ASAP2: variants seen among roughly 807,000 people sequenced by gnomAD.
ASAP2 encodes the protein arf-GAP with SH3 domain, ANK repeat and PH domain-containing protein 2.
ASAP2 carries 45 observed loss-of-function variants against 131.4 expected under a neutral mutation model. The observed-to-expected ratio is 0.34, with a 90% confidence interval of 0.27 to 0.44. The LOEUF (loss-of-function observed/expected upper bound fraction) is 0.44. Among genes scored for constraint, ASAP2 ranks in the 20% least tolerant of loss-of-function variants. The pLI, the probability that ASAP2 is intolerant of heterozygous loss-of-function variation, is 1.00. For synonymous variants in ASAP2, 510 were observed against 503.0 expected (o/e 1.01, Z -0.19); for missense variants, 1,011 against 1,297.0 (o/e 0.78, Z 3.39).
chr2:9,317,869 A>T (rs990515215), intron 3 of ASAP2, among the ~76,000 whole-genome samples: 1 of 151,986 alleles, frequency 6.6e-6, no homozygotes, highest in Non-Finnish European at 1.5e-5. Flanking sequence ...GATCACTCAT[A>T]CCCACATTCA....
chr2:9,230,490 C>G (rs1304837293), intron 1 of ASAP2, among the ~76,000 whole-genome samples: 1 of 152,228 alleles, frequency 6.6e-6, no homozygotes, highest in African/African-American at 2.4e-5. Flanking sequence ...GACTGATTCC[C>G]CAGTGGTCAG....
intron 11 of ASAP2, among the ~76,000 whole-genome samples, chr2:9,348,892 C>T (rs1672151678): frequency 6.6e-6 from 1 of 152,076 alleles, no homozygotes; most frequent in Admixed American, 6.5e-5. Flanking sequence ...TCCAGGCAAG[C>T]AACCGCCTTC....
At chr2:9,327,447 C>T (rs548177646) in intron 6 of ASAP2, among the ~76,000 whole-genome samples, 1 of 152,266 alleles carries the variant, frequency 6.6e-6, no homozygotes, top group South Asian at 2.1e-4. Flanking sequence ...AGCTACAATA[C>T]GTTAGCAGTT....
In ASAP2 at chr2:9,206,974, G is replaced by A. The variant is rs1167201932; in HGVS notation, c.-131G>A. The stretch of plus-strand genomic sequence containing the variant: ...CAGGCCCCGCGCGGCTCCCGCGCCC[G>A]GCGCTCCCCTTTGTCCGCGGGCCGG... On this transcript the variant is annotated 5_prime_UTR_variant, in exon 1 of 28. Transcript: ENST00000281419. This position sits in a 1 kb window ranked among gnomAD's most constrained non-coding sequence, Gnocchi z 4.0. 1.1e-6 allele frequency: 1 copy of A among 908,786 alleles called. No individual in the cohort carries two copies. Among genetic ancestry groups the A allele is most frequent in the Non-Finnish European group, 1.3e-6 (1 of 759,136 alleles). The allele number at this position is 908,786 out of a possible 1,614,324, so 56.3% of individuals were successfully genotyped here. A position where few individuals can be genotyped will look rare whatever the true frequency, so the allele number is the denominator to read the frequency against.
At chr2:9,343,952 C>G (rs1385691935) in intron 9 of ASAP2, among the ~76,000 whole-genome samples, 1 of 152,208 alleles carries the variant, frequency 6.6e-6, no homozygotes, top group African/African-American at 2.4e-5. Flanking sequence ...GTCAGACCCC[C>G]CTTACTCAAG....
At chr2:9,220,551 T>A (rs768010269) in intron 1 of ASAP2, among the ~76,000 whole-genome samples, 3 of 152,240 alleles carry the variant, frequency 2.0e-5, no homozygotes, top group Non-Finnish European at 2.9e-5. Flanking sequence ...TTTGCCATGT[T>A]TATATTGGAT....
At chr2:9,279,903 A>G (rs1322737644) in intron 2 of ASAP2, among the ~76,000 whole-genome samples, 3 of 152,166 alleles carry the variant, frequency 2.0e-5, no homozygotes, top group East Asian at 1.9e-4. Context: ...TATTTTTTAA[A>G]CCCATGCAAC....
chr2:9,240,315 G>A (rs1663872801), intron 1 of ASAP2, among the ~76,000 whole-genome samples: 2 of 147,354 alleles, frequency 1.4e-5, no homozygotes, highest in African/African-American at 2.5e-5. Flanking sequence ...GTGCAGTGGC[G>A]CCATCACGGC....
At chr2:9,353,543 C>A (rs1358997085) in intron 12 of ASAP2, among the ~76,000 whole-genome samples, 3 of 136,754 alleles carry the variant, frequency 2.2e-5, no homozygotes, top group African/African-American at 6.4e-5. Flanking sequence ...GACAACACAG[C>A]AAGACTGTCT....
intron 1 of ASAP2, among the ~76,000 whole-genome samples, chr2:9,240,592 C>A (rs548355473): frequency 2.2e-3 from 342 of 152,216 alleles, no homozygotes; most frequent in African/African-American, 8.1e-3. Context: ...GCACTTGCCA[C>A]GCACCACGGC....
intron 1 of ASAP2, among the ~76,000 whole-genome samples, chr2:9,230,575 G>A (rs1362421962): frequency 6.6e-6 from 1 of 152,208 alleles, no homozygotes; most frequent in Non-Finnish European, 1.5e-5. Context: ...GAGGGAAGGA[G>A]CAGTATCTGT....
In ASAP2 at chr2:9,323,200, G is replaced by A. The variant is rs1237883209; in HGVS notation, c.550G>A (p.Ala184Thr). ...GACTGAAATAAGCGGAGCGGAAATT[G>A]CCGAAGAGATGGAAAAGGAGAGGCG... ...IRTEISGAEIAEEMEKERRFF... is the reference protein window; with the variant it reads ...IRTEISGAEITEEMEKERRFF... The change falls in exon 6 of 28, where the codon GCC becomes ACC. Residue 184 changes from alanine (A) to threonine (T), a missense_variant. Ala to Thr is a moderately conservative substitution (Grantham distance 58, BLOSUM62 0). Around this residue, in one of 2 missense-constraint regions of ASAP2, gnomAD observed 359 missense variants for 598.1 expected, o/e 0.60. Transcript: ENST00000281419. 3 of 1,614,138 alleles carry A rather than the reference G, an allele frequency of 1.9e-6. No homozygotes were observed. Among genetic ancestry groups the A allele is most frequent in the African/African-American group, 1.3e-5 (1 of 74,946 alleles).
chr2:9,324,491 G>A (rs150793221), intron 6 of ASAP2, among the ~76,000 whole-genome samples: 4 of 152,340 alleles, frequency 2.6e-5, no homozygotes, highest in Middle Eastern at 3.4e-3. Context: ...GCTGCATCTG[G>A]TGAGGACCTT....
At chr2:9,298,735 G>A (rs1318376140) in intron 3 of ASAP2, among the ~76,000 whole-genome samples, 2 of 152,176 alleles carry the variant, frequency 1.3e-5, no homozygotes, top group Admixed American at 6.5e-5. Context: ...CATGGAGGGC[G>A]TCTCCTGGTA....
chr2:9,358,610 A>G, intron 14 of ASAP2, 146 bp from the exon 15 acceptor site: 1 of 1,017,620 alleles, frequency 9.8e-7, no homozygotes, highest in East Asian at 2.5e-5. Flanking sequence ...ATTGGTGGTA[A>G]TTATGGACAA....
intron 1 of ASAP2, among the ~76,000 whole-genome samples, chr2:9,264,956 T>C (rs542045851): frequency 6.6e-6 from 1 of 151,934 alleles, no homozygotes; most frequent in African/African-American, 2.4e-5. Context: ...CTGGGCAACA[T>C]AGGGAGACGT....
intron 1 of ASAP2, among the ~76,000 whole-genome samples, chr2:9,261,471 A>C (rs1396269391): frequency 6.6e-6 from 1 of 152,250 alleles, no homozygotes; most frequent in Non-Finnish European, 1.5e-5. Flanking sequence ...AGATAATGGA[A>C]GTAAAAGTGC....
chr2:9,385,185 G>A (rs1227916794), intron 20 of ASAP2, 60 bp from the exon 21 acceptor site: 6 of 1,319,762 alleles, frequency 4.5e-6, no homozygotes, highest in Non-Finnish European at 6.5e-6. Context: ...CACTTCAGTG[G>A]GTCCAGATGC....
intron 1 of ASAP2, among the ~76,000 whole-genome samples, chr2:9,259,573 C>T (rs974314104): frequency 5.3e-5 from 8 of 152,192 alleles, no homozygotes; most frequent in African/African-American, 1.9e-4. Flanking sequence ...CCTTAAGGAA[C>T]AAAAATGAAC....
Sources: allele counts gnomAD v4.1 joint callset (sites outside exome capture counted in the v4.1 genomes callset), GRCh38; gene constraint gnomAD v4.1.1; regional missense constraint gnomAD v4.1.1; non-coding constraint Gnocchi (gnomAD v3.1); transcripts MANE v1.5; gene names NCBI Gene and HGNC (gene_info 2026-07-23, HGNC 2026-07-21).